IFT57: variants seen among roughly 807,000 people sequenced by gnomAD.
The protein encoded by IFT57 is intraflagellar transport 57.
Under a neutral mutation model 56.8 loss-of-function variants are expected in IFT57, and 59 were observed. That is an observed-to-expected ratio of 1.04 (90% CI 0.84 to 1.29). IFT57 has a LOEUF of 1.29. Ranked by LOEUF, IFT57 falls within the 50% of genes most tolerant of loss-of-function variation. The pLI, the probability that IFT57 is intolerant of heterozygous loss-of-function variation, is 0.00. For synonymous variants in IFT57, 209 were observed against 186.1 expected (o/e 1.12, Z -1.00); for missense variants, 470 against 522.1 (o/e 0.90, Z 0.97).
At chr3:108,198,104 G>A (rs527463994) in intron 5 of IFT57, among the ~76,000 whole-genome samples, 22 of 152,160 alleles carry the variant, frequency 1.4e-4, no homozygotes, top group African/African-American at 2.7e-4. Flanking sequence ...ATCTTTTAAA[G>A]TGAGGAAACT....
rs146677431 is a variant in IFT57 at position 108,162,616 on chromosome 3, T to C, written c.1151A>G (p.Lys384Arg). The change falls in exon 11 of 11, where the codon AAG (lysine) becomes AGG (arginine). Residue 384 changes from lysine to arginine, a missense_variant. Lys to Arg is a conservative substitution (Grantham distance 26, BLOSUM62 2). Transcript: ENST00000264538. ...VKIKQSLTKL[K>R]QETVEMDIRI... is the part of the protein sequence containing the mutation. ...AATGTCCATCTCTACAGTTTCTTGCTTCAGTTTTGTTAAGCTCTGTTTAAT... is the reference window on the plus strand; with the variant it reads ...AATGTCCATCTCTACAGTTTCTTGCCTCAGTTTTGTTAAGCTCTGTTTAAT... The C allele has an allele frequency of 1.6e-5, 25 of 1,611,330 alleles. No individual in the cohort carries two copies. In the African/African-American group the frequency reaches 1.9e-4, roughly 12 times the overall value.
At position 108,206,633 on chromosome 3, in the gene IFT57, G is replaced by C; in HGVS notation, c.649C>G (p.His217Asp). 1 of 1,355,396 alleles carries C rather than the reference G, an allele frequency of 7.4e-7. No homozygotes were observed. Among genetic ancestry groups the C allele is most frequent in the Non-Finnish European group, 9.8e-7 (1 of 1,020,468 alleles). The allele number at this position is 1,355,396 out of a possible 1,614,324, so 84.0% of individuals were successfully genotyped here. A position where few individuals can be genotyped will look rare whatever the true frequency, so the allele number is the denominator to read the frequency against. Reference sequence around the variant, plus strand: ...ATGTATCTGATGAAACTTACCAAGTGATATGTCTGGGCCTTTAAAACGTTG... The same window carrying C: ...ATGTATCTGATGAAACTTACCAAGTCATATGTCTGGGCCTTTAAAACGTTG... ...DLNVLKAQTY[H>D]LDMNETAKQE... Residue 217 changes from histidine to aspartate, a missense_variant, in exon 5 of 11, where the codon CAC (histidine) becomes GAC (aspartate). By Grantham distance (81) the His-to-Asp change is moderately conservative. Coordinates refer to ENST00000264538, the MANE Select transcript of IFT57 (RefSeq NM_018010.4).
chr3:108,173,509 A>G (rs1004811133), intron 6 of IFT57, among the ~76,000 whole-genome samples: 4 of 151,874 alleles, frequency 2.6e-5, no homozygotes, highest in Non-Finnish European at 5.9e-5. Flanking sequence ...CTTTCCGAAC[A>G]TATAGCTTAG....
At chr3:108,208,917 G>A (rs1037523631) in intron 4 of IFT57, among the ~76,000 whole-genome samples, 1 of 152,138 alleles carries the variant, frequency 6.6e-6, no homozygotes, top group Non-Finnish European at 1.5e-5. Flanking sequence ...ACCATGCCCT[G>A]TGACTAAAAA....
intron 5 of IFT57, among the ~76,000 whole-genome samples, chr3:108,194,156 T>C (rs1248496135): frequency 6.6e-6 from 1 of 152,188 alleles, no homozygotes; most frequent in Non-Finnish European, 1.5e-5. Flanking sequence ...AGTAACATTA[T>C]AGGGAACAAA....
chr3:108,221,621 C>T (rs933590329), intron 1 of IFT57, among the ~76,000 whole-genome samples: 1 of 152,158 alleles, frequency 6.6e-6, no homozygotes, highest in Non-Finnish European at 1.5e-5. Flanking sequence ...ATCCTAAGTA[C>T]CCACGGTCCC....
At chr3:108,195,652 A>T (rs2080240079) in intron 5 of IFT57, among the ~76,000 whole-genome samples, 1 of 152,156 alleles carries the variant, frequency 6.6e-6, no homozygotes, top group Non-Finnish European at 1.5e-5. Flanking sequence ...AAAAGAATGA[A>T]ATTTTGTCAT....
rs527756663 is a variant in IFT57, at chr3:108,161,058, T to C, written c.*1419A>G. On this transcript the variant is annotated 3_prime_UTR_variant, in exon 11 of 11. Transcript: ENST00000264538. ...TATCTAAAAGCGTTCTCTGCATTGA[T>C]TGAATTCATCAAAAAACTACTCAGC... 1 of 152,278 alleles carries C rather than the reference T, an allele frequency of 6.6e-6. No individual in the cohort carries two copies. The highest frequency in any genetic ancestry group is 1.9e-4 in the East Asian group (1 of 5,182). 9.4% of individuals were successfully genotyped at this position (152,278 alleles called of 1,614,324 possible).
At chr3:108,218,926 G>A in intron 2 of IFT57, among the ~76,000 whole-genome samples, 1 of 152,098 alleles carries the variant, frequency 6.6e-6, no homozygotes, top group South Asian at 2.1e-4. Flanking sequence ...AGAGTGAAAA[G>A]AAACCAGTAA....
intron 4 of IFT57, among the ~76,000 whole-genome samples, chr3:108,209,480 G>A (rs1412868055): frequency 4.6e-5 from 7 of 152,148 alleles, no homozygotes; most frequent in African/African-American, 7.2e-5. Context: ...ACAAGGGGTC[G>A]ACTTTTGATG....
At chr3:108,177,129 T>C (rs140738088) in intron 6 of IFT57, among the ~76,000 whole-genome samples, 1 of 151,962 alleles carries the variant, frequency 6.6e-6, no homozygotes, top group East Asian at 1.9e-4. Flanking sequence ...TTCAGTTCAC[T>C]TGTAATATTT....
At chr3:108,169,251 A>G (rs2080079615) in intron 6 of IFT57, among the ~76,000 whole-genome samples, 1 of 151,900 alleles carries the variant, frequency 6.6e-6, no homozygotes. Context: ...AGTGGTGATG[A>G]GCTTTTTATC....
intron 6 of IFT57, among the ~76,000 whole-genome samples, chr3:108,190,385 T>A (rs1387669318): frequency 6.6e-6 from 1 of 152,188 alleles, no homozygotes; most frequent in Non-Finnish European, 1.5e-5. Flanking sequence ...AGGAACCTGG[T>A]GGGAAGTGAT....
rs2080031941 is a variant in IFT57 at position 108,161,524 on chromosome 3, T to G, written c.*953A>C. ...TCTTATCAAATTTTCTACCACTGCT[T>G]TTGAAAATTATTAAAAAAAAAAAAT... On this transcript the variant is annotated 3_prime_UTR_variant, in exon 11 of 11. Coordinates refer to ENST00000264538, the MANE Select transcript of IFT57 (RefSeq NM_018010.4). 1.3e-5 allele frequency: 1 copy of G among 75,960 alleles called. No homozygotes were observed. 4.7% of individuals were successfully genotyped at this position (75,960 alleles called of 1,614,324 possible).
At chr3:108,186,895 C>T (rs1008528754) in intron 6 of IFT57, among the ~76,000 whole-genome samples, 10 of 152,128 alleles carry the variant, frequency 6.6e-5, no homozygotes, top group Non-Finnish European at 1.5e-4. Context: ...CCTTATGATT[C>T]TTTTAACATT....
At chr3:108,198,306 C>G (rs1242670571) in intron 5 of IFT57, among the ~76,000 whole-genome samples, 2 of 152,162 alleles carry the variant, frequency 1.3e-5, no homozygotes, top group Non-Finnish European at 2.9e-5. Flanking sequence ...ACTCTGCTTT[C>G]TTGTAATATA....
chr3:108,190,637 C>T (rs1263243017), intron 6 of IFT57, among the ~76,000 whole-genome samples: 2 of 152,184 alleles, frequency 1.3e-5, no homozygotes, highest in East Asian at 3.8e-4. Flanking sequence ...ATTACCCAGT[C>T]TTGGGCAGTT....
chr3:108,182,969 A>G (rs1264979111), intron 6 of IFT57, among the ~76,000 whole-genome samples: 3 of 152,136 alleles, frequency 2.0e-5, no homozygotes, highest in Non-Finnish European at 4.4e-5. Context: ...CAGGGCATTA[A>G]AGCATGTTAG....
rs769821703 is a variant in IFT57, at chr3:108,191,590, A to G, written c.708T>C (p.Ala236=). The G allele has an allele frequency of 6.2e-7, 1 of 1,610,120 alleles. No homozygotes were observed. The highest frequency in any genetic ancestry group is 1.7e-5 in the Admixed American group (1 of 59,898). The change falls in exon 6 of 11, where the codon GCT becomes GCC. Residue 236 remains alanine (A), a synonymous_variant. Transcript: ENST00000264538. ...QEDILESTTD[A]AEWSLEVERV... ...GTTCCACTTCTAGGCTCCATTCTGC[A>G]GCATCTGTTGTGGATTCCAAAATAT... is the stretch of plus-strand genomic sequence containing the variant.
Sources: allele counts gnomAD v4.1 joint callset (sites outside exome capture counted in the v4.1 genomes callset), GRCh38; gene constraint gnomAD v4.1.1; transcripts MANE v1.5; gene names NCBI Gene and HGNC (gene_info 2026-07-23, HGNC 2026-07-21).